Variants in PARVG observed in about 807,000 individuals in gnomAD.
The protein encoded by PARVG is gamma-parvin.
PARVG carries 36 observed loss-of-function variants against 44.4 expected under a neutral mutation model. The observed-to-expected ratio is 0.81, with a 90% CI of 0.62 to 1.07. PARVG has a LOEUF of 1.07. Among genes scored for constraint, PARVG ranks in the 50% least tolerant of loss-of-function variants. PARVG has a pLI of 0.00. For missense variants in PARVG, 407 were observed against 407.4 expected, an observed-to-expected ratio of 1.00 and a Z score of 0.01; for synonymous variants, 170 against 174.1, an observed-to-expected ratio of 0.98 and a Z score of 0.19.
chr22:44,192,507 T>C (rs1395146926), intron 8 of PARVG, among the ~76,000 whole-genome samples: 3 of 152,094 alleles, frequency 2.0e-5, no homozygotes, highest in African/African-American at 7.2e-5. Context: ...GTGACTGTCT[T>C]GTTCCCCGCC....
At chr22:44,203,252 A>G (rs1346092457) in intron 12 of PARVG, among the ~76,000 whole-genome samples, 1 of 152,214 alleles carries the variant, frequency 6.6e-6, no homozygotes, top group Admixed American at 6.5e-5. Flanking sequence ...GTAGATGACA[A>G]GTATTTTTTT....
At chr22:44,179,988 A>G (rs3747208), upstream of PARVG, among the ~76,000 whole-genome samples, 16,662 of 151,874 alleles carry the variant, frequency 0.11, 1,103 homozygotes, top group East Asian at 0.19. The surrounding 1 kb of genome is among the most constrained non-coding windows in gnomAD (Gnocchi z 4.2). Context: ...CTGCAGATCC[A>G]CTCCCCACCA....
upstream of PARVG, among the ~76,000 whole-genome samples, chr22:44,176,302 T>A (rs1365189280): frequency 6.6e-6 from 1 of 152,250 alleles, no homozygotes; most frequent in Non-Finnish European, 1.5e-5. Context: ...AAATTACTTA[T>A]GATACCTAAT....
intron 1 of PARVG, among the ~76,000 whole-genome samples, chr22:44,175,360 G>A (rs575472256): frequency 3.9e-5 from 6 of 152,298 alleles, no homozygotes; most frequent in South Asian, 4.1e-4. Context: ...TGAGAATCTC[G>A]AGAAGGAAGG....
chr22:44,196,058 TG>T, intron 9 of PARVG, 96 bp from the exon 10 acceptor site: 1 of 1,320,370 alleles, frequency 7.6e-7, no homozygotes, highest in Non-Finnish European at 1.1e-6. Context: ...CCCTCTGGAC[TG>T]GTTATTCTAA....
In PARVG at chr22:44,189,274, G is replaced by C. The variant is rs1468800118; in HGVS notation, c.388+20G>C. ...TGGAGAGTACGTGGGCCACAACCTG[G>C]CTACCCCTGGGGAGTGTGGGGCCGC... is the stretch of plus-strand genomic sequence containing the variant. On this transcript the variant is annotated intron_variant, in intron 6 of 13. Coordinates refer to ENST00000444313, the MANE Select transcript of PARVG (RefSeq NM_022141.7). 4 of 1,613,058 alleles carry C rather than the reference G, an allele frequency of 2.5e-6. No individual in the cohort carries two copies. The African/African-American group carries it at 5.3e-5, about 22-fold the overall frequency.
At chr22:44,196,260 C>T in intron 10 of PARVG, 47 bp downstream of exon 10, 2 of 1,613,902 alleles carry the variant, frequency 1.2e-6, no homozygotes, top group Non-Finnish European at 1.7e-6. Context: ...GCCCACCCCA[C>T]CCACTGCCCA....
chr22:44,187,195 G>A (rs923963018), intron 4 of PARVG: 6 of 170,068 alleles, frequency 3.5e-5, no homozygotes, highest in Admixed American at 1.6e-4. Context: ...CCAAGGGGTC[G>A]GCAGGCTTGG....
Position 44,175,311 on chromosome 22 carries a change from C to T in PARVG, c.-189+2120C>T, listed in dbSNP as rs191940085. 5.3e-3 allele frequency among the ~76,000 whole-genome samples: 805 copies of T among 152,300 alleles called. 2 individuals are homozygous for T. The highest frequency in any genetic ancestry group is 8.0e-3 in the Non-Finnish European group (546 of 68,026). ...AGTCTCTGGGGGAACTGACATTGCACGGCCACTTGCCCTCAGATGTGACAG... is the reference window on the plus strand; with the variant it reads ...AGTCTCTGGGGGAACTGACATTGCATGGCCACTTGCCCTCAGATGTGACAG... On this transcript the variant is annotated intron_variant, in intron 1 of 13. Coordinates refer to the PARVG transcript ENST00000422871.
intron 11 of PARVG, among the ~76,000 whole-genome samples, chr22:44,196,630 T>G (rs1391851865): frequency 6.6e-6 from 1 of 151,940 alleles, no homozygotes; most frequent in Non-Finnish European, 1.5e-5. Context: ...TGGGAACACT[T>G]CACAAAGCTG....
intron 13 of PARVG, 68 bp from the exon 14 acceptor site, chr22:44,206,249 C>A (rs1177632116): frequency 8.8e-7 from 1 of 1,142,450 alleles, no homozygotes; most frequent in Non-Finnish European, 1.3e-6. Flanking sequence ...GAAACCTTGA[C>A]CACATCGGGA....
intron 13 of PARVG, among the ~76,000 whole-genome samples, chr22:44,206,102 C>T (rs573920509): frequency 6.6e-6 from 1 of 152,188 alleles, no homozygotes; most frequent in Admixed American, 6.5e-5. Context: ...TTGGGGGCAC[C>T]ACAGGAGCAT....
At chr22:44,192,964 A>C (rs2147230214) in intron 8 of PARVG, among the ~76,000 whole-genome samples, 1 of 152,322 alleles carries the variant, frequency 6.6e-6, no homozygotes, top group Non-Finnish European at 1.5e-5. Flanking sequence ...ACAGGGATGC[A>C]GCCAAGATGC....
Position 44,206,499 on chromosome 22 carries a change from C to A in PARVG, c.*73C>A. The A allele has an allele frequency of 1.5e-6, 2 of 1,337,654 alleles. No homozygotes were observed. Among genetic ancestry groups the A allele is most frequent in the Non-Finnish European group, 2.1e-6 (2 of 931,566 alleles). The allele number at this position is 1,337,654 out of a possible 1,614,324, so 82.9% of individuals were successfully genotyped here. On this transcript the variant is annotated 3_prime_UTR_variant, in exon 14 of 14. Transcript: ENST00000444313. ...GGGCCCGAGGCTGCAGGGTGTCCTC[C>A]CACAGTCCCGCTGTTTCCTGTGCAT...
At chr22:44,179,888 G>A (rs2054354137), upstream of PARVG, among the ~76,000 whole-genome samples, 1 of 152,242 alleles carries the variant, frequency 6.6e-6, no homozygotes, top group Non-Finnish European at 1.5e-5. This position sits in a 1 kb window ranked among gnomAD's most constrained non-coding sequence, Gnocchi z 4.2. Flanking sequence ...ACTCTTGGAA[G>A]AATACTGCAG....
intron 1 of PARVG, chr22:44,173,229 C>T (rs2054286805): frequency 3.3e-6 from 4 of 1,209,454 alleles, no homozygotes; most frequent in Non-Finnish European, 4.2e-6. Context: ...CTGCCTGGGT[C>T]CAGACCATAC....
At chr22:44,203,828 C>T (rs955764456) in intron 12 of PARVG, among the ~76,000 whole-genome samples, 1 of 152,162 alleles carries the variant, frequency 6.6e-6, no homozygotes, top group African/African-American at 2.4e-5. Flanking sequence ...CCGCATTGGC[C>T]CCTGCAGCAT....
intron 12 of PARVG, among the ~76,000 whole-genome samples, chr22:44,203,958 C>G (rs943175317): frequency 3.0e-4 from 46 of 152,338 alleles, no homozygotes; most frequent in Non-Finnish European, 5.3e-4. Flanking sequence ...AATTCTCCTG[C>G]CTCAGCCTCC....
upstream of PARVG, among the ~76,000 whole-genome samples, chr22:44,176,578 C>G (rs924200182): frequency 1.6e-5 from 2 of 126,100 alleles, no homozygotes; most frequent in Non-Finnish European, 1.7e-5. Context: ...TGGAGTATAA[C>G]ACATTGGATT....
Sources: gnomAD v4.1 joint callset for allele counts (sites outside exome capture counted in the v4.1 genomes callset) on GRCh38, gnomAD v4.1.1 for gene constraint, Gnocchi (gnomAD v3.1) non-coding constraint, MANE v1.5 for transcripts, NCBI Gene and HGNC (gene_info 2026-07-23, HGNC 2026-07-21) for gene names.